STAT5A: variants seen among roughly 807,000 people sequenced by gnomAD.
STAT5A encodes the protein epididymis secretory sperm binding protein.
In STAT5A, 26 loss-of-function variants were observed where a neutral mutation model predicts 100.2. The ratio of observed to expected loss-of-function variants is 0.26; its 90% CI spans 0.19 to 0.36. STAT5A has a LOEUF of 0.36. Ranked by LOEUF, STAT5A falls within the 10% of genes least tolerant of loss-of-function variation. The pLI, the probability that STAT5A is intolerant of heterozygous loss-of-function variation, is 1.00. For synonymous variants in STAT5A, 330 were observed against 424.3 expected (o/e 0.78, Z 2.73); for missense variants, 634 against 1,027.5 (o/e 0.62, Z 5.24).
intron 18 of STAT5A, 89 bp from the exon 19 acceptor site, chr17:42,310,418 T>G: frequency 6.9e-7 from 1 of 1,455,360 alleles, no homozygotes; most frequent in Non-Finnish European, 9.5e-7. Flanking sequence ...GAGACGGGTT[T>G]GAGTGGAGAG....
rs749654170 is a variant in STAT5A, at chr17:42,308,386, C to T, written c.2062+53C>T. On this transcript the variant is annotated intron_variant, in intron 16 of 18. Transcript: ENST00000590949. This position sits in a 1 kb window ranked among gnomAD's most constrained non-coding sequence, Gnocchi z 4.6. ...CTGACTCCCCCGGGCTCTTCCCCAG[C>T]CCATAGACAAAGCCTTGGGCTGCGC... The T allele has an allele frequency of 2.0e-5, 33 of 1,612,356 alleles. No homozygotes were observed. The highest frequency in any genetic ancestry group is 2.7e-5 in the Non-Finnish European group (32 of 1,179,292).
chr17:42,309,212 G>A, intron 17 of STAT5A, 114 bp downstream of exon 17: 1 of 1,586,238 alleles, frequency 6.3e-7, no homozygotes, highest in Admixed American at 1.7e-5. Flanking sequence ...ACCTGTCTCA[G>A]CCCTGGGGAG....
At chr17:42,299,521 G>T (rs1257603849) in intron 5 of STAT5A, among the ~76,000 whole-genome samples, 1 of 152,210 alleles carries the variant, frequency 6.6e-6, no homozygotes, top group African/African-American at 2.4e-5. Flanking sequence ...CAGCACCCGT[G>T]TGCCCCCAGA....
chr17:42,296,940 G>A (rs1311034552), intron 5 of STAT5A, among the ~76,000 whole-genome samples: 1 of 151,192 alleles, frequency 6.6e-6, no homozygotes, highest in Non-Finnish European at 1.5e-5. Flanking sequence ...AATTCTAAAT[G>A]TTTGTTTGTT....
At position 42,299,860 on chromosome 17, in the gene STAT5A, G is replaced by A. The variant is rs1195119456; in HGVS notation, c.660G>A (p.Gln220=). 1 of 1,610,742 alleles carries A rather than the reference G, an allele frequency of 6.2e-7. No individual in the cohort carries two copies. Among genetic ancestry groups the A allele is most frequent in the Non-Finnish European group, 8.5e-7 (1 of 1,179,278 alleles). Reference sequence around the variant, plus strand: ...AGGCCTGGTTGCAGCGTGAGGCACAGACACTGCAGCAGTACCGCGTGGTGA... The same window carrying A: ...AGGCCTGGTTGCAGCGTGAGGCACAAACACTGCAGCAGTACCGCGTGGTGA... The part of the protein sequence containing the change: ...SLEAWLQREA[Q]TLQQYRVELA... The change falls in exon 6 of 19, where the codon CAG becomes CAA. Residue 220 remains glutamine (Q), a synonymous_variant. Coordinates refer to ENST00000590949, the MANE Select transcript of STAT5A (RefSeq NM_001288718.2).
intron 4 of STAT5A, among the ~76,000 whole-genome samples, chr17:42,294,367 G>A (rs544015456): frequency 4.7e-4 from 72 of 152,148 alleles, no homozygotes; most frequent in Non-Finnish European, 9.4e-4. Context: ...TGCTGGTGCT[G>A]TCATGGTCTG....
At chr17:42,299,577 G>A (rs113499377) in intron 5 of STAT5A, among the ~76,000 whole-genome samples, 174 bp from the exon 6 acceptor site, 44 of 152,320 alleles carry the variant, frequency 2.9e-4, no homozygotes, top group African/African-American at 9.1e-4. Context: ...GCCCAGAGGC[G>A]CCTCCTGAGG....
At position 42,310,742 on chromosome 17, in the gene STAT5A, C is replaced by T; in HGVS notation, c.*73C>T. 1 of 1,594,960 alleles carries T rather than the reference C, an allele frequency of 6.3e-7. No individual in the cohort carries two copies. The highest frequency in any genetic ancestry group is 8.6e-7 in the Non-Finnish European group (1 of 1,169,146). On this transcript the variant is annotated 3_prime_UTR_variant, in exon 19 of 19. Transcript: ENST00000590949. ...CGGTCGTGTTGTGAGTTTAGTAAGGCTGTGTACACTGACACCTTTGCAGGC... is the reference window on the plus strand; with the variant it reads ...CGGTCGTGTTGTGAGTTTAGTAAGGTTGTGTACACTGACACCTTTGCAGGC...
At chr17:42,292,781 C>A (rs2080883352) in intron 4 of STAT5A, among the ~76,000 whole-genome samples, 2 of 152,104 alleles carry the variant, frequency 1.3e-5, no homozygotes, top group Non-Finnish European at 2.9e-5. Flanking sequence ...TGCCCACCAC[C>A]ATGCCCGGCT....
Position 42,306,336 on chromosome 17 carries a change from G to T in STAT5A, c.1569G>T (p.Arg523=), listed in dbSNP as rs548320367. The change falls in exon 13 of 19, where the codon CGG becomes CGT. Residue 523 remains arginine, a synonymous_variant. Transcript: ENST00000590949. ...MKFKAEVQSN[R]GLTKENLVFL... is the part of the protein sequence containing the mutation. ...TCAAGGCCGAAGTGCAGAGCAACCGGGGCCTGACCAAGGAGAACCTCGTGT... is the reference window on the plus strand; with the variant it reads ...TCAAGGCCGAAGTGCAGAGCAACCGTGGCCTGACCAAGGAGAACCTCGTGT... 6.2e-6 allele frequency: 10 copies of T among 1,614,136 alleles called. No homozygotes were observed. The highest frequency in any genetic ancestry group is 3.3e-5 in the Admixed American group (2 of 60,028).
intron 9 of STAT5A, among the ~76,000 whole-genome samples, 188 bp downstream of exon 9, chr17:42,301,642 C>A (rs1273412902): frequency 6.6e-6 from 1 of 152,204 alleles, no homozygotes; most frequent in Admixed American, 6.5e-5. Context: ...AGGCGTGAGC[C>A]ACCACACCCA....
rs778831312 is a variant in STAT5A at position 42,310,565 on chromosome 17, G to T, written c.2281G>T (p.Ala761Ser). 6.2e-7 allele frequency: 1 copy of T among 1,614,216 alleles called. No homozygotes were observed. Among genetic ancestry groups the T allele is most frequent in the South Asian group, 1.1e-5 (1 of 91,090 alleles). ...CGACCTGGATGAGACCATGGATGTG[G>T]CCAGGCACGTGGAGGAACTCTTACG... The part of the protein sequence containing the change: ...EFDLDETMDV[A>S]RHVEELLRRP... Residue 761 changes from alanine to serine, a missense_variant, in exon 19 of 19, where the codon GCC becomes TCC. Physicochemically the swap from Ala to Ser is moderately conservative, Grantham distance 99 (BLOSUM62 1). Coordinates refer to ENST00000590949, the MANE Select transcript of STAT5A (RefSeq NM_001288718.2).
At chr17:42,309,165 T>A in intron 17 of STAT5A, 67 bp downstream of exon 17, 3 of 1,611,738 alleles carry the variant, frequency 1.9e-6, no homozygotes, top group Non-Finnish European at 2.5e-6. Flanking sequence ...CTGCCTCCCA[T>A]CCTGATCCTG....
intron 9 of STAT5A, among the ~76,000 whole-genome samples, chr17:42,302,108 G>T (rs1201617397): frequency 6.6e-6 from 1 of 152,250 alleles, no homozygotes; most frequent in Non-Finnish European, 1.5e-5. Flanking sequence ...TGATACTACA[G>T]TGAGGTATGA....
rs1417945493 is a variant in STAT5A at position 42,308,009 on chromosome 17, G to A, written c.1907-169G>A. ...AGCCTTGTTGGTATCTGCTCATCTG[G>A]TTTGCTGAGTAGAACATCCCGCATC... On this transcript the variant is annotated intron_variant, in intron 15 of 18. Coordinates refer to ENST00000590949, the MANE Select transcript of STAT5A (RefSeq NM_001288718.2). This position sits in a 1 kb window ranked among gnomAD's most constrained non-coding sequence, Gnocchi z 4.6. Among the ~76,000 whole-genome samples the A allele has an allele frequency of 7.9e-5, 12 of 152,138 alleles. No homozygotes were observed. The highest frequency in any genetic ancestry group is 7.9e-4 in the Admixed American group (12 of 15,270).
intron 12 of STAT5A, chr17:42,305,988 GT>G: frequency 1.5e-6 from 1 of 673,350 alleles, no homozygotes; most frequent in Non-Finnish European, 2.5e-6. Context: ...CTTGCTCTCT[GT>G]TTTCTGTTTC....
intron 4 of STAT5A, 122 bp downstream of exon 4, chr17:42,292,183 G>A (rs2080875581): frequency 1.1e-5 from 13 of 1,231,834 alleles, no homozygotes; most frequent in Admixed American, 2.0e-5. Flanking sequence ...GATGAGGGAC[G>A]TGGGCAAGTG....
intron 5 of STAT5A, among the ~76,000 whole-genome samples, chr17:42,299,270 G>C (rs1464760201): frequency 2.6e-5 from 4 of 152,190 alleles, no homozygotes; most frequent in African/African-American, 9.7e-5. Context: ...CATCTTCCAT[G>C]TCCTCATGTA....
intron 18 of STAT5A, 78 bp from the exon 19 acceptor site, chr17:42,310,429 C>T (rs2081068981): frequency 6.6e-7 from 1 of 1,511,990 alleles, no homozygotes; most frequent in African/African-American, 1.4e-5. Flanking sequence ...GAGTGGAGAG[C>T]AGGCTGGAGG....
Sources: allele counts gnomAD v4.1 joint callset (sites outside exome capture counted in the v4.1 genomes callset), GRCh38; gene constraint gnomAD v4.1.1; non-coding constraint Gnocchi (gnomAD v3.1); transcripts MANE v1.5; gene names NCBI Gene and HGNC (gene_info 2026-07-23, HGNC 2026-07-21).